APBA2: variants seen among roughly 807,000 people sequenced by gnomAD.
The protein encoded by APBA2 is amyloid beta precursor protein binding family A member 2.
APBA2 carries 30 observed loss-of-function variants against 75.0 expected under a neutral mutation model. That is an observed-to-expected ratio of 0.40 (90% CI 0.30 to 0.54). APBA2 has a LOEUF of 0.54. Among genes scored for constraint, APBA2 ranks in the 20% least tolerant of loss-of-function variants. The pLI, the probability that APBA2 is intolerant of heterozygous loss-of-function variation, is 0.49. For synonymous variants in APBA2, 444 were observed against 409.6 expected (o/e 1.08, Z -1.01); for missense variants, 801 against 1,016.1 (o/e 0.79, Z 2.88).
chr15:29,065,821 G>T (rs955217438), intron 4 of APBA2, among the ~76,000 whole-genome samples: 3 of 152,176 alleles, frequency 2.0e-5, no homozygotes, highest in Non-Finnish European at 4.4e-5. Context: ...ATCTGGTCCT[G>T]GTCCTTTTAA....
intron 3 of APBA2, among the ~76,000 whole-genome samples, chr15:29,021,155 G>A (rs187851986): frequency 2.1e-3 from 315 of 152,000 alleles, no homozygotes; most frequent in African/African-American, 7.2e-3. Context: ...GGAGAGTGTG[G>A]GACTTTCCCA....
Position 28,991,177 on chromosome 15 carries a change from C to T in APBA2, c.-94-4576C>T, listed in dbSNP as rs1228367033. The stretch of plus-strand genomic sequence containing the variant: ...TGGTATCCACCCCAAGGGCCCTCCT[C>T]TGCCTGTCTCAGCACCATCTCTGTG... On this transcript the variant is annotated intron_variant, in intron 2 of 14. Transcript: ENST00000683413. The surrounding 1 kb of genome is among the most constrained non-coding windows in gnomAD (Gnocchi z 4.7). Among the ~76,000 whole-genome samples, 1 of 152,220 alleles carries T rather than the reference C, an allele frequency of 6.6e-6. No individual in the cohort carries two copies. The highest frequency in any genetic ancestry group is 2.4e-5 in the African/African-American group (1 of 41,456).
rs1442717721 is a variant in APBA2, at chr15:29,054,785, A to G, written c.901A>G (p.Lys301Glu). ...CCCCGGAGACCCCCAGAGAGGCTTC[A>G]AGCCCAAGACCAGGACCCCAGAAGA... ...KHPGDPQRGF[K>E]PKTRTPEERL... Residue 301 changes from lysine (K) to glutamate (E), a missense_variant, in exon 4 of 15, where the codon AAG becomes GAG. Coordinates refer to ENST00000683413, the MANE Select transcript of APBA2 (RefSeq NM_001353788.2). The surrounding 1 kb of genome is among the most constrained non-coding windows in gnomAD (Gnocchi z 6.1). The G allele has an allele frequency of 6.2e-7, 1 of 1,603,328 alleles. No homozygotes were observed. Among genetic ancestry groups the G allele is most frequent in the East Asian group, 2.2e-5 (1 of 44,862 alleles).
intron 6 of APBA2, among the ~76,000 whole-genome samples, chr15:29,088,457 C>A (rs2043395030): frequency 1.3e-5 from 2 of 152,178 alleles, no homozygotes; most frequent in Admixed American, 1.3e-4. Flanking sequence ...GGCACCCTTT[C>A]TCAGTGAGGG....
At chr15:28,935,495 T>C (rs1198648517) in intron 2 of APBA2, among the ~76,000 whole-genome samples, 2 of 152,156 alleles carry the variant, frequency 1.3e-5, no homozygotes, top group Admixed American at 6.5e-5. Context: ...ACAGTGGCTG[T>C]CAGGGCGTAG....
chr15:28,966,311 A>G (rs2036734737), intron 2 of APBA2, among the ~76,000 whole-genome samples: 1 of 151,688 alleles, frequency 6.6e-6, no homozygotes, highest in African/African-American at 2.4e-5. Flanking sequence ...CCCAAATATT[A>G]TTGTGAATTT....
chr15:29,024,065 G>C (rs931747084), intron 3 of APBA2, among the ~76,000 whole-genome samples: 2 of 151,568 alleles, frequency 1.3e-5, no homozygotes, highest in Admixed American at 1.3e-4. Context: ...CACCATGCCT[G>C]GCTAATTTTT....
At chr15:29,062,479 A>G (rs1279005809) in intron 4 of APBA2, among the ~76,000 whole-genome samples, 1 of 152,094 alleles carries the variant, frequency 6.6e-6, no homozygotes, top group East Asian at 1.9e-4. Context: ...GATGTTCAGA[A>G]GCTCAGGGCC....
chr15:28,939,515 G>T (rs1265322317), intron 2 of APBA2, among the ~76,000 whole-genome samples: 2 of 152,168 alleles, frequency 1.3e-5, no homozygotes, highest in African/African-American at 4.8e-5. Context: ...ATCCTCACCA[G>T]CACTTGTGTT....
At chr15:29,007,969 A>G (rs2039210840) in intron 3 of APBA2, among the ~76,000 whole-genome samples, 1 of 152,218 alleles carries the variant, frequency 6.6e-6, no homozygotes, top group African/African-American at 2.4e-5. Flanking sequence ...AAGGGGTGGA[A>G]GCAACCCAGG....
chr15:29,107,152 C>T (rs2044460754), intron 12 of APBA2, among the ~76,000 whole-genome samples: 1 of 152,146 alleles, frequency 6.6e-6, no homozygotes, highest in South Asian at 2.1e-4. Context: ...TGGGACTTTG[C>T]CAGGTTAGCA....
intron 1 of APBA2, among the ~76,000 whole-genome samples, chr15:28,915,184 A>ACACACCACACACCACACATACCCCATG (rs2033625237): frequency 1.7e-3 from 1 of 600 alleles, no homozygotes; most frequent in Non-Finnish European, 4.5e-3. Context: ...CATACCCCAT[A>ACACACCACACACCACACATACCCCATG]TATACCACAC....
chr15:29,040,934 G>T (rs1408646763), intron 3 of APBA2, among the ~76,000 whole-genome samples: 1 of 151,636 alleles, frequency 6.6e-6, no homozygotes, highest in African/African-American at 2.4e-5. Context: ...AATTATCAAA[G>T]ACTTTAAAGT....
chr15:28,976,846 CTCA>C (rs2037363053), intron 2 of APBA2, among the ~76,000 whole-genome samples: 2 of 152,178 alleles, frequency 1.3e-5, no homozygotes, highest in African/African-American at 4.8e-5. Context: ...CATTCAGCAT[CTCA>C]TCCTTTTCTC....
rs2044949939 is a variant in APBA2 at position 29,114,614 on chromosome 15, TGTGC to T, written c.2178+599_2178+602del. ...TGTGTAGTGTGAGCGAGTGTGGGTG[TGTGC>T]ATGTGGATGTGTGAGAGCATGGGTG... is the stretch of plus-strand genomic sequence containing the variant. On this transcript the variant is annotated intron_variant, in intron 14 of 14. Transcript: ENST00000683413. Among the ~76,000 whole-genome samples the T allele has an allele frequency of 1.3e-5, 2 of 151,478 alleles. 1 individual carries two copies. Among genetic ancestry groups the T allele is most frequent in the South Asian group, 4.2e-4 (2 of 4,780 alleles).
intron 3 of APBA2, among the ~76,000 whole-genome samples, chr15:29,031,918 T>G (rs889891700): frequency 2.0e-5 from 3 of 152,200 alleles, no homozygotes; most frequent in African/African-American, 7.2e-5. Context: ...GAGGGTGAAG[T>G]GCAGGCCATG....
At chr15:29,079,649 C>CA (rs2043001547) in intron 6 of APBA2, among the ~76,000 whole-genome samples, 1 of 152,108 alleles carries the variant, frequency 6.6e-6, no homozygotes, top group Non-Finnish European at 1.5e-5. Context: ...CTGGCGTGTC[C>CA]AGTGCTGAGG....
At chr15:29,064,869 C>A (rs1393782287) in intron 4 of APBA2, among the ~76,000 whole-genome samples, 1 of 152,126 alleles carries the variant, frequency 6.6e-6, no homozygotes. Context: ...CGGTGGCCAC[C>A]TGTTGGCGGG....
Position 29,098,522 on chromosome 15 carries a change from A to G in APBA2, c.1284A>G (p.Glu428=), listed in dbSNP as rs1482091715. The G allele has an allele frequency of 6.2e-7, 1 of 1,614,090 alleles. No individual in the cohort carries two copies. Among genetic ancestry groups the G allele is most frequent in the Non-Finnish European group, 8.5e-7 (1 of 1,180,032 alleles). Residue 428 remains glutamate (E), a synonymous_variant, in exon 9 of 15, where the codon GAA becomes GAG. Transcript: ENST00000683413. The stretch of plus-strand genomic sequence containing the variant: ...AGGGGGATGCCCAGACGCTGACGGA[A>G]GTGGACCTCTTCATTTCCACCCAGA... ...NSEGDAQTLT[E]VDLFISTQRI...
Sources: allele counts gnomAD v4.1 joint callset (sites outside exome capture counted in the v4.1 genomes callset), GRCh38; gene constraint gnomAD v4.1.1; non-coding constraint Gnocchi (gnomAD v3.1); transcripts MANE v1.5; gene names NCBI Gene and HGNC (gene_info 2026-07-23, HGNC 2026-07-21).